The following SLC9A8 variants were observed in gnomAD, a reference collection of about 807,000 sequenced individuals.
SLC9A8 encodes the protein sodium/hydrogen exchanger 8.
In SLC9A8, 48 loss-of-function variants were observed where a neutral mutation model predicts 66.6. The ratio of observed to expected loss-of-function variants is 0.72; its 90% CI spans 0.57 to 0.92. SLC9A8 has a LOEUF of 0.92. Ranked by LOEUF, SLC9A8 falls within the 40% of genes least tolerant of loss-of-function variation. The pLI is 0.00. For missense variants in SLC9A8, 599 were observed against 747.3 expected (o/e 0.80, Z 2.31); for synonymous variants, 274 against 282.6 (o/e 0.97, Z 0.31).
At chr20:49,833,991 G>A (rs1447567232) in intron 3 of SLC9A8, among the ~76,000 whole-genome samples, 1 of 151,738 alleles carries the variant, frequency 6.6e-6, no homozygotes, top group Non-Finnish European at 1.5e-5. Context: ...GCTCACGCCT[G>A]TAATCCCAGC....
At chr20:49,880,263 C>CTCA (rs5841776) in intron 12 of SLC9A8, among the ~76,000 whole-genome samples, 6 of 129,554 alleles carry the variant, frequency 4.6e-5, no homozygotes, top group Admixed American at 3.9e-4. Context: ...GACTTTGTCT[C>CTCA]AAAAAAAAAA....
intron 4 of SLC9A8, among the ~76,000 whole-genome samples, chr20:49,842,630 A>G (rs771638536): frequency 9.2e-5 from 14 of 152,312 alleles, no homozygotes; most frequent in Middle Eastern, 6.8e-3. Context: ...GGTATTTGAC[A>G]CACACTGCTC....
In SLC9A8 at chr20:49,812,953, G is replaced by A; in HGVS notation, c.26+5G>A. Reference sequence around the variant, plus strand: ...GGAGAAGATGGCGGAAGAGGAGTGAGTGGGCTTTTTCCCGGGCGGCGGAGG... The same window carrying A: ...GGAGAAGATGGCGGAAGAGGAGTGAATGGGCTTTTTCCCGGGCGGCGGAGG... On this transcript the variant is annotated splice_donor_5th_base_variant and intron_variant, in intron 1 of 15. Transcript: ENST00000361573. 7.0e-7 allele frequency: 1 copy of A among 1,429,978 alleles called. No individual in the cohort carries two copies. Among genetic ancestry groups the A allele is most frequent in the Non-Finnish European group, 9.2e-7 (1 of 1,092,544 alleles). 88.6% of individuals were successfully genotyped at this position (1,429,978 alleles called of 1,614,324 possible).
At chr20:49,855,319 A>T in intron 7 of SLC9A8, 119 bp from the exon 8 acceptor site, 1 of 1,010,364 alleles carries the variant, frequency 9.9e-7, no homozygotes, top group Non-Finnish European at 1.5e-6. Flanking sequence ...TTCTGTAATT[A>T]ATTCAGCTCT....
At chr20:49,813,613 C>CT (rs1175057708) in intron 1 of SLC9A8, among the ~76,000 whole-genome samples, 2 of 152,306 alleles carry the variant, frequency 1.3e-5, no homozygotes, top group East Asian at 3.9e-4. Flanking sequence ...TCGCCAAGGT[C>CT]TGATTTTTCT....
chr20:49,831,984 G>A (rs2087219441), intron 3 of SLC9A8, among the ~76,000 whole-genome samples: 1 of 152,088 alleles, frequency 6.6e-6, no homozygotes, highest in South Asian at 2.1e-4. Context: ...TTAGTGAGGA[G>A]CCAAGAGGAG....
intron 12 of SLC9A8, among the ~76,000 whole-genome samples, chr20:49,880,461 A>G (rs1367666383): frequency 4.6e-5 from 7 of 152,088 alleles, no homozygotes; most frequent in Non-Finnish European, 1.0e-4. Context: ...GAGGTCCTTC[A>G]TAGCTGCCCT....
At chr20:49,818,029 G>GAA (rs138296602) in intron 2 of SLC9A8, among the ~76,000 whole-genome samples, 3 of 147,650 alleles carry the variant, frequency 2.0e-5, no homozygotes, top group Non-Finnish European at 4.5e-5. Flanking sequence ...GGCGGGCCTG[G>GAA]AAAAAAAAAA....
chr20:49,881,190 C>G (rs550794532), intron 13 of SLC9A8, among the ~76,000 whole-genome samples, 155 bp downstream of exon 13: 1 of 152,318 alleles, frequency 6.6e-6, no homozygotes, highest in African/African-American at 2.4e-5. Flanking sequence ...GATGGTGCCC[C>G]TCACCATGGT....
At chr20:49,849,836 A>C (rs2088174715) in intron 6 of SLC9A8, among the ~76,000 whole-genome samples, 156 bp downstream of exon 6, 1 of 152,252 alleles carries the variant, frequency 6.6e-6, no homozygotes, top group Admixed American at 6.5e-5. Context: ...TATGAGGCAC[A>C]GTAGAGGCGT....
intron 8 of SLC9A8, among the ~76,000 whole-genome samples, chr20:49,858,225 A>G (rs985960712): frequency 1.3e-5 from 2 of 151,932 alleles, no homozygotes; most frequent in Non-Finnish European, 2.9e-5. Flanking sequence ...GTTTCCTACT[A>G]TTGGCTTTTT....
intron 3 of SLC9A8, chr20:49,830,427 A>G (rs535054346): frequency 2.4e-6 from 2 of 832,934 alleles, no homozygotes; most frequent in Non-Finnish European, 2.1e-6. Context: ...GTTGGATCCC[A>G]AGGCGGCCAA....
chr20:49,837,954 T>C (rs919361166), intron 3 of SLC9A8, among the ~76,000 whole-genome samples: 1 of 152,188 alleles, frequency 6.6e-6, no homozygotes, highest in Non-Finnish European at 1.5e-5. Flanking sequence ...TGACTAGATC[T>C]CTAAGACTTA....
rs1013156116 is a variant in SLC9A8 at position 49,830,118 on chromosome 20, G to A, written c.289+6977G>A. On this transcript the variant is annotated intron_variant, in intron 3 of 15. Coordinates refer to ENST00000361573, the MANE Select transcript of SLC9A8 (RefSeq NM_015266.3). Reference sequence around the variant, plus strand: ...CTGCTAAGCCAAACAAGCCATCTCTGTCTGTTACCAGGCAATCACAAAGAA... The same window carrying A: ...CTGCTAAGCCAAACAAGCCATCTCTATCTGTTACCAGGCAATCACAAAGAA... The A allele has an allele frequency of 2.3e-5, 17 of 742,510 alleles. No individual in the cohort carries two copies. In the African/African-American group the frequency reaches 2.9e-4, roughly 13 times the overall value. The allele number at this position is 742,510 out of a possible 1,614,324, so 46.0% of individuals were successfully genotyped here.
chr20:49,886,698 G>A lies in SLC9A8; in HGVS notation c.1492-54G>A. 2.5e-6 allele frequency: 4 copies of A among 1,583,560 alleles called. No homozygotes were observed. The highest frequency in any genetic ancestry group is 3.4e-6 in the Non-Finnish European group (4 of 1,163,002). On this transcript the variant is annotated intron_variant, in intron 14 of 15. Coordinates refer to ENST00000361573, the MANE Select transcript of SLC9A8 (RefSeq NM_015266.3). The surrounding 1 kb of genome is among the most constrained non-coding windows in gnomAD (Gnocchi z 4.8). ...GGTGGTGTGGGGGCTTCCAGGAGGT[G>A]CCCCCCGATGGTGCCAGCTGGTGGC... is the stretch of plus-strand genomic sequence containing the variant.
At chr20:49,883,724 C>T in intron 13 of SLC9A8, 122 bp from the exon 14 acceptor site, 2 of 740,496 alleles carry the variant, frequency 2.7e-6, no homozygotes, top group Non-Finnish European at 2.2e-6. Context: ...ACACACTCTT[C>T]AGCAGGGCCA....
chr20:49,826,108 C>T (rs899169759), intron 3 of SLC9A8, among the ~76,000 whole-genome samples: 22 of 152,178 alleles, frequency 1.4e-4, no homozygotes, highest in African/African-American at 5.1e-4. Context: ...GTCTTGCTTT[C>T]AATGCTTACT....
Position 49,888,026 on chromosome 20 carries a change from A to C in SLC9A8, c.*90A>C. ...GCAGGGGCCTCGCAGAGATGCGTGC[A>C]TCCAGCAGCCCCTTCAAGACATAAG... On this transcript the variant is annotated 3_prime_UTR_variant, in exon 16 of 16. Coordinates refer to ENST00000361573, the MANE Select transcript of SLC9A8 (RefSeq NM_015266.3). The C allele has an allele frequency of 1.0e-6, 1 of 1,002,110 alleles. No homozygotes were observed. The allele number at this position is 1,002,110 out of a possible 1,614,324, so 62.1% of individuals were successfully genotyped here. A position where few individuals can be genotyped will look rare whatever the true frequency, so the allele number is the denominator to read the frequency against.
chr20:49,890,564 C>T lies in SLC9A8; in HGVS notation c.*2628C>T, dbSNP rs1190239325. On this transcript the variant is annotated 3_prime_UTR_variant, in exon 16 of 16. Coordinates refer to ENST00000361573, the MANE Select transcript of SLC9A8 (RefSeq NM_015266.3). Reference sequence around the variant, plus strand: ...CCACCACAGGCACTGCTGTGTGGAACGAGTTCTTGGAATGAATCCCATGCT... The same window carrying T: ...CCACCACAGGCACTGCTGTGTGGAATGAGTTCTTGGAATGAATCCCATGCT... The T allele has an allele frequency of 6.6e-6, 1 of 152,136 alleles. No individual in the cohort carries two copies. The highest frequency in any genetic ancestry group is 1.5e-5 in the Non-Finnish European group (1 of 68,034). The allele number at this position is 152,136 out of a possible 1,614,324, so 9.4% of individuals were successfully genotyped here. A position where few individuals can be genotyped will look rare whatever the true frequency, so the allele number is the denominator to read the frequency against.
Sources: gnomAD v4.1 joint callset for allele counts (sites outside exome capture counted in the v4.1 genomes callset) on GRCh38, gnomAD v4.1.1 for gene constraint, Gnocchi (gnomAD v3.1) non-coding constraint, MANE v1.5 for transcripts, NCBI Gene and HGNC (gene_info 2026-07-23, HGNC 2026-07-21) for gene names.